ZSWIM5: variants seen among roughly 807,000 people sequenced by gnomAD.
ZSWIM5 encodes zinc finger SWIM domain-containing protein 5.
Under a neutral mutation model 119.6 loss-of-function variants are expected in ZSWIM5, and 55 were observed. That is an observed-to-expected ratio of 0.46 (90% CI 0.37 to 0.58). The LOEUF is 0.58. Ranked by LOEUF, ZSWIM5 falls within the 20% of genes least tolerant of loss-of-function variation. The pLI is 0.00. For missense variants in ZSWIM5, 1,193 were observed against 1,512.8 expected, an observed-to-expected ratio of 0.79 and a Z score of 3.51; for synonymous variants, 537 against 606.9, an observed-to-expected ratio of 0.88 and a Z score of 1.69.
chr1:45,031,714 C>T (rs1644954315), intron 11 of ZSWIM5, among the ~76,000 whole-genome samples: 1 of 151,908 alleles, frequency 6.6e-6, no homozygotes, highest in African/African-American at 2.4e-5. Flanking sequence ...GTGGCGGGCA[C>T]CCGTAGTCCC....
chr1:45,199,540 C>T (rs1466801385), intron 1 of ZSWIM5, among the ~76,000 whole-genome samples: 4 of 152,108 alleles, frequency 2.6e-5, no homozygotes, highest in Non-Finnish European at 5.9e-5. Context: ...ACCTCATGAT[C>T]CACCCGCCTC....
chr1:45,095,906 G>A (rs954607293), intron 1 of ZSWIM5, among the ~76,000 whole-genome samples: 1 of 152,080 alleles, frequency 6.6e-6, no homozygotes, highest in Non-Finnish European at 1.5e-5. Context: ...AACACATAAA[G>A]TGGTTAGGTC....
chr1:45,082,296 C>A (rs868418812), intron 2 of ZSWIM5, among the ~76,000 whole-genome samples: 3 of 148,312 alleles, frequency 2.0e-5, no homozygotes, highest in Middle Eastern at 3.2e-3. Flanking sequence ...AAATCCCCCT[C>A]TGTGAGAAAC....
Position 45,060,213 on chromosome 1 carries a change from G to A in ZSWIM5, c.987C>T (p.Asp329=), listed in dbSNP as rs778736228. Residue 329 remains aspartate, a synonymous_variant, in exon 3 of 14, where the codon GAC becomes GAT. Coordinates refer to ENST00000359600, the MANE Select transcript of ZSWIM5 (RefSeq NM_020883.2). ...CATCCAAATGCCAACAGTTCTCATC[G>A]TCAATGCTGGCCCCAGCTGTGGGGT... is the stretch of plus-strand genomic sequence containing the variant. ...APDPTAGASI[D]DENCWHLDEE... is the part of the protein sequence containing the mutation. 9.3e-6 allele frequency: 15 copies of A among 1,613,864 alleles called. No homozygotes were observed. Among genetic ancestry groups the A allele is most frequent in the South Asian group, 2.2e-5 (2 of 91,060 alleles).
chr1:45,167,482 T>C (rs2149044112), intron 1 of ZSWIM5, among the ~76,000 whole-genome samples: 1 of 151,996 alleles, frequency 6.6e-6, no homozygotes, highest in South Asian at 2.1e-4. Flanking sequence ...TGGGATCTAA[T>C]TAAACTAAAG....
intron 1 of ZSWIM5, among the ~76,000 whole-genome samples, chr1:45,130,570 TA>T (rs1368950029): frequency 6.7e-6 from 1 of 150,122 alleles, no homozygotes; most frequent in South Asian, 2.1e-4. Context: ...ATGGCTAAAA[TA>T]AAAAAAAATA....
chr1:45,100,304 T>A (rs545655490), intron 1 of ZSWIM5, among the ~76,000 whole-genome samples: 3,113 of 151,760 alleles, frequency 0.021, 108 homozygotes, highest in African/African-American at 0.072. Flanking sequence ...CACAATTGCT[T>A]CAAAGAGAAT....
chr1:45,083,463 C>T (rs552378756), intron 2 of ZSWIM5, among the ~76,000 whole-genome samples: 1 of 152,096 alleles, frequency 6.6e-6, no homozygotes, highest in Non-Finnish European at 1.5e-5. Flanking sequence ...GTTGTTCAGG[C>T]TGTTTTCATC....
chr1:45,159,826 T>A (rs548802833), intron 1 of ZSWIM5, among the ~76,000 whole-genome samples: 123 of 152,196 alleles, frequency 8.1e-4, no homozygotes, highest in Non-Finnish European at 1.5e-3. Flanking sequence ...TGACCTCAAG[T>A]GATCTGCTCA....
At chr1:45,060,507 T>C (rs1161917524) in intron 2 of ZSWIM5, among the ~76,000 whole-genome samples, 1 of 152,208 alleles carries the variant, frequency 6.6e-6, no homozygotes, top group Non-Finnish European at 1.5e-5. Context: ...CAGATACCAC[T>C]GTAGGGGAAA....
intron 4 of ZSWIM5, among the ~76,000 whole-genome samples, chr1:45,056,764 G>T (rs1247073865): frequency 1.3e-5 from 2 of 152,184 alleles, no homozygotes; most frequent in African/African-American, 2.4e-5. Flanking sequence ...AACACGTAAG[G>T]GTTGGCCTTT....
chr1:45,121,074 C>T (rs140627729), intron 1 of ZSWIM5, among the ~76,000 whole-genome samples: 3,140 of 152,104 alleles, frequency 0.021, 117 homozygotes, highest in African/African-American at 0.072. Flanking sequence ...CTTAGCCTCC[C>T]GAGTAGCTGG....
At chr1:45,106,415 GCCGCC>G (rs1645478783) in intron 1 of ZSWIM5, among the ~76,000 whole-genome samples, 1 of 144,726 alleles carries the variant, frequency 6.9e-6, no homozygotes, top group African/African-American at 2.6e-5. Flanking sequence ...CCTCTGCCCG[GCCGCC>G]CCATCTGGGA....
At chr1:45,070,305 A>C (rs1645213708) in intron 2 of ZSWIM5, 4 of 1,435,286 alleles carry the variant, frequency 2.8e-6, no homozygotes, top group Non-Finnish European at 3.9e-6. Context: ...GGTGATGAGG[A>C]AGTAAGACGC....
intron 1 of ZSWIM5, among the ~76,000 whole-genome samples, chr1:45,140,977 A>C (rs1645723241): frequency 6.6e-6 from 1 of 152,148 alleles, no homozygotes; most frequent in South Asian, 2.1e-4. Context: ...ATTGGGGTGC[A>C]TACAGAGAAA....
At chr1:45,157,560 T>C (rs1216865871) in intron 1 of ZSWIM5, among the ~76,000 whole-genome samples, 1 of 152,234 alleles carries the variant, frequency 6.6e-6, no homozygotes, top group African/African-American at 2.4e-5. Flanking sequence ...ATTGTATGAA[T>C]ATACCAGTTT....
chr1:45,031,169 ATTTTTTT>A (rs34390567), intron 11 of ZSWIM5, among the ~76,000 whole-genome samples: 6 of 61,746 alleles, frequency 9.7e-5, no homozygotes, highest in Admixed American at 5.1e-4. Flanking sequence ...TTTTGCTCTG[ATTTTTTT>A]TTTTTTTTTT....
chr1:45,116,729 A>C (rs1645560408), intron 1 of ZSWIM5, among the ~76,000 whole-genome samples: 1 of 152,202 alleles, frequency 6.6e-6, no homozygotes, highest in South Asian at 2.1e-4. Flanking sequence ...CTTCCAGTTT[A>C]CTGTCTAGGA....
intron 3 of ZSWIM5, 119 bp from the exon 4 acceptor site, chr1:45,058,878 G>A: frequency 8.4e-7 from 1 of 1,192,802 alleles, no homozygotes; most frequent in South Asian, 1.4e-5. Context: ...ATCCAAAAGA[G>A]CCAGAAAGAA....
Sources: allele counts gnomAD v4.1 joint callset (sites outside exome capture counted in the v4.1 genomes callset), GRCh38; gene constraint gnomAD v4.1.1; transcripts MANE v1.5; gene names NCBI Gene and HGNC (gene_info 2026-07-23, HGNC 2026-07-21).